Variants in ATRNL1 observed in about 807,000 individuals in gnomAD.
ATRNL1 encodes attractin-like protein 1.
In ATRNL1, 95 loss-of-function variants were observed where a neutral mutation model predicts 182.7. The ratio of observed to expected loss-of-function variants is 0.52; its 90% CI spans 0.44 to 0.62. The LOEUF is 0.62. ATRNL1 is among the 20% of genes least tolerant of loss of function. The probability of loss-of-function intolerance (pLI) is 0.00; values close to 1 mark genes in which losing one functional copy is unlikely to be tolerated. For missense variants in ATRNL1, 1,471 were observed against 1,679.5 expected, an observed-to-expected ratio of 0.88 and a Z score of 2.17; for synonymous variants, 576 against 568.3, an observed-to-expected ratio of 1.01 and a Z score of -0.19.
intron 25 of ATRNL1, among the ~76,000 whole-genome samples, chr10:115,519,661 C>G (rs1424583017): frequency 6.6e-6 from 1 of 152,118 alleles, no homozygotes; most frequent in African/African-American, 2.4e-5. Context: ...TCTACAAGAA[C>G]TAAACCAATT....
At chr10:115,218,265 C>T (rs1436836937) in intron 9 of ATRNL1, among the ~76,000 whole-genome samples, 1 of 151,968 alleles carries the variant, frequency 6.6e-6, no homozygotes, top group African/African-American at 2.4e-5. Context: ...ATTTTGGTTG[C>T]TGTCACTGCA....
intron 19 of ATRNL1, among the ~76,000 whole-genome samples, chr10:115,347,109 T>C (rs1856011369): frequency 1.3e-5 from 2 of 152,154 alleles, no homozygotes; most frequent in Admixed American, 1.3e-4. Flanking sequence ...ACTTCTCTGC[T>C]AGGTTGAAGA....
At chr10:115,850,336 G>A (rs1951025813) in intron 28 of ATRNL1, among the ~76,000 whole-genome samples, 1 of 152,124 alleles carries the variant, frequency 6.6e-6, no homozygotes, top group Non-Finnish European at 1.5e-5. Flanking sequence ...AAGAAAAAAG[G>A]CAGTATCTGT....
chr10:115,882,950 C>A (rs1951860123), intron 28 of ATRNL1, among the ~76,000 whole-genome samples: 1 of 152,226 alleles, frequency 6.6e-6, no homozygotes, highest in Non-Finnish European at 1.5e-5. Context: ...AACTTTCTGG[C>A]TCTAGCCATC....
At chr10:115,540,773 G>A (rs12244403) in intron 25 of ATRNL1, among the ~76,000 whole-genome samples, 1,376 of 26,552 alleles carry the variant, frequency 0.052, 23 homozygotes, top group African/African-American at 0.14. Flanking sequence ...AAAAAAAAAA[G>A]GGGGGAGGGA....
chr10:115,140,213 T>C (rs782209696), intron 5 of ATRNL1, among the ~76,000 whole-genome samples: 5 of 152,198 alleles, frequency 3.3e-5, no homozygotes, highest in Non-Finnish European at 7.3e-5. Flanking sequence ...CCTAGAGATA[T>C]GAAATAGGGA....
intron 26 of ATRNL1, among the ~76,000 whole-genome samples, chr10:115,714,389 A>G (rs1947183286): frequency 2.6e-5 from 4 of 151,648 alleles, no homozygotes; most frequent in Non-Finnish European, 2.9e-5. Context: ...CATCTCACCA[A>G]TTGACTCCCA....
intron 26 of ATRNL1, among the ~76,000 whole-genome samples, chr10:115,658,340 C>A (rs1335763086): frequency 6.6e-6 from 1 of 151,618 alleles, no homozygotes; most frequent in African/African-American, 2.4e-5. Context: ...TGTAATAATA[C>A]AAAACCCCTT....
intron 26 of ATRNL1, among the ~76,000 whole-genome samples, chr10:115,566,133 C>A (rs1487201000): frequency 9.9e-5 from 15 of 151,710 alleles, no homozygotes; most frequent in African/African-American, 3.6e-4. Flanking sequence ...TGGTGTCTTG[C>A]TGTATGGCCC....
intron 28 of ATRNL1, among the ~76,000 whole-genome samples, chr10:115,877,282 A>G (rs1951722158): frequency 6.6e-6 from 1 of 152,230 alleles, no homozygotes; most frequent in African/African-American, 2.4e-5. Flanking sequence ...TGTAGCCAGC[A>G]AATCAGTATC....
chr10:115,820,763 C>T (rs1172285265), intron 27 of ATRNL1, among the ~76,000 whole-genome samples: 1 of 152,050 alleles, frequency 6.6e-6, no homozygotes, highest in African/African-American at 2.4e-5. Flanking sequence ...CAAAGACTAA[C>T]TTTGTCACTT....
At chr10:115,799,244 CATATT>C (rs1949734676) in intron 27 of ATRNL1, among the ~76,000 whole-genome samples, 1 of 152,134 alleles carries the variant, frequency 6.6e-6, no homozygotes, top group African/African-American at 2.4e-5. Flanking sequence ...TAATGCAACT[CATATT>C]ATTAATTGTA....
intron 19 of ATRNL1, among the ~76,000 whole-genome samples, chr10:115,349,536 A>G (rs1856133850): frequency 6.6e-6 from 1 of 151,956 alleles, no homozygotes; most frequent in African/African-American, 2.4e-5. Flanking sequence ...ACTTCCATAA[A>G]CCTCCATACT....
chr10:115,330,290 TAAGG>T, intron 18 of ATRNL1, among the ~76,000 whole-genome samples: 1 of 152,216 alleles, frequency 6.6e-6, no homozygotes, highest in African/African-American at 2.4e-5. Flanking sequence ...ACCTTCCTAA[TAAGG>T]ATATAATTGT....
intron 25 of ATRNL1, among the ~76,000 whole-genome samples, chr10:115,528,661 C>A (rs898644619): frequency 9.2e-5 from 14 of 151,886 alleles, no homozygotes; most frequent in African/African-American, 3.4e-4. Flanking sequence ...TAATTTCCTT[C>A]ATTCTGCTAC....
intron 8 of ATRNL1, among the ~76,000 whole-genome samples, chr10:115,211,878 C>A (rs1461607187): frequency 2.0e-5 from 3 of 151,164 alleles, no homozygotes. Context: ...ATTTCTTTTT[C>A]TTCTCCTTTT....
intron 8 of ATRNL1, among the ~76,000 whole-genome samples, chr10:115,186,380 GATC>G (rs1847941432): frequency 6.7e-6 from 1 of 148,630 alleles, no homozygotes; most frequent in Admixed American, 6.7e-5. Context: ...AAAGAAAGAA[GATC>G]ATTATAGCGA....
chr10:115,454,263 C>CT (rs1309972030), intron 21 of ATRNL1, among the ~76,000 whole-genome samples: 2 of 151,992 alleles, frequency 1.3e-5, no homozygotes, highest in Non-Finnish European at 2.9e-5. Context: ...ATCTATATAT[C>CT]TTTTTTCATG....
chr10:115,165,045 A>G (rs1554884048), intron 6 of ATRNL1, among the ~76,000 whole-genome samples: 1 of 152,100 alleles, frequency 6.6e-6, no homozygotes, highest in African/African-American at 2.4e-5. Context: ...TGATTTGATC[A>G]TTACACATTC....
Sources: gnomAD v4.1 joint callset for allele counts (sites outside exome capture counted in the v4.1 genomes callset) on GRCh38, gnomAD v4.1.1 for gene constraint, MANE v1.5 for transcripts, NCBI Gene and HGNC (gene_info 2026-07-23, HGNC 2026-07-21) for gene names.